PCDHGA7: variants seen among roughly 807,000 people sequenced by gnomAD.
The protein encoded by PCDHGA7 is protocadherin gamma subfamily A, 7.
In PCDHGA7, 44 loss-of-function variants were observed where a neutral mutation model predicts 58.3. The observed-to-expected ratio is 0.75, with a 90% CI of 0.59 to 0.97. The LOEUF (loss-of-function observed/expected upper bound fraction) is 0.97. Ranked by LOEUF, PCDHGA7 falls within the 50% of genes least tolerant of loss-of-function variation. PCDHGA7 has a pLI of 0.00. For missense variants in PCDHGA7, 1,266 were observed against 1,188.7 expected, an observed-to-expected ratio of 1.06 and a Z score of -0.96; for synonymous variants, 516 against 504.2, an observed-to-expected ratio of 1.02 and a Z score of -0.31.
chr5:141,413,042 G>T, intron 1 of PCDHGA7: 1 of 857,566 alleles, frequency 1.2e-6, no homozygotes, highest in Non-Finnish European at 1.7e-6. Context: ...CTGCTGGGCT[G>T]CAGGGAAGCT....
At position 141,399,661 on chromosome 5, in the gene PCDHGA7, G is replaced by T. The variant is rs1021211609; in HGVS notation, c.2424+14338G>T. The T allele has an allele frequency of 6.8e-6, 11 of 1,613,526 alleles. No individual in the cohort carries two copies. Among genetic ancestry groups the T allele is most frequent in the Non-Finnish European group, 9.3e-6 (11 of 1,179,892 alleles). ...GAGCGCGCAAAGTGGGGTGGTGTTC[G>T]CGCAGCGCGCCTTTGACTACGAGCA... On this transcript the variant is annotated intron_variant, in intron 1 of 3. Transcript: ENST00000518325.
chr5:141,416,747 T>A (rs920641906), intron 1 of PCDHGA7: 2 of 152,240 alleles, frequency 1.3e-5, no homozygotes, highest in African/African-American at 4.8e-5. Flanking sequence ...AATAGTGACG[T>A]ATTAGGTAGA....
Position 141,385,070 on chromosome 5 carries a change from T to C in PCDHGA7, c.2171T>C (p.Leu724Pro), listed in dbSNP as rs766950021. 28 of 1,614,094 alleles carry C rather than the reference T, an allele frequency of 1.7e-5. No individual in the cohort carries two copies. In the South Asian group the frequency reaches 3.0e-4, roughly 17 times the overall value. ...LRLRRWHKSR[L>P]LQASEGGLAN... ...CTGCGGCGCTGGCACAAGTCACGCC[T>C]GCTGCAGGCTTCAGAAGGTGGCTTG... The change falls in exon 1 of 4, where the codon CTG becomes CCG. Residue 724 changes from leucine to proline, a missense_variant. Coordinates refer to ENST00000518325, the MANE Select transcript of PCDHGA7 (RefSeq NM_018920.4).
chr5:141,386,359 C>T (rs566341507), intron 1 of PCDHGA7, among the ~76,000 whole-genome samples: 1 of 152,132 alleles, frequency 6.6e-6, no homozygotes, highest in Non-Finnish European at 1.5e-5. Flanking sequence ...AATCTTGATT[C>T]CAGAGACCTT....
At chr5:141,458,403 C>T (rs1057108239) in intron 1 of PCDHGA7, among the ~76,000 whole-genome samples, 6 of 152,136 alleles carry the variant, frequency 3.9e-5, no homozygotes, top group African/African-American at 1.2e-4. Context: ...CTTGCAGAGA[C>T]GGAGCGGGGG....
At position 141,394,369 on chromosome 5, in the gene PCDHGA7, C is replaced by T. The variant is rs183754735; in HGVS notation, c.2424+9046C>T. On this transcript the variant is annotated intron_variant, in intron 1 of 3. Transcript: ENST00000518325. Reference sequence around the variant, plus strand: ...ACCGGTGTCCTGTATGCGCTGCAATCTTTCGACTATGAGCAGATCCGAGAC... The same window carrying T: ...ACCGGTGTCCTGTATGCGCTGCAATTTTTCGACTATGAGCAGATCCGAGAC... 3.7e-5 allele frequency: 59 copies of T among 1,614,206 alleles called. No homozygotes were observed. Among genetic ancestry groups the T allele is most frequent in the Middle Eastern group, 1.6e-4 (1 of 6,062 alleles).
chr5:141,508,409 G>T (rs143032030), intron 3 of PCDHGA7: 4 of 152,276 alleles, frequency 2.6e-5, no homozygotes, highest in South Asian at 2.1e-4. Context: ...CTTGAGCCAC[G>T]CAGAGACTTG....
intron 1 of PCDHGA7, chr5:141,394,850 G>A (rs778925348): frequency 1.1e-5 from 17 of 1,613,702 alleles, no homozygotes; most frequent in Non-Finnish European, 1.4e-5. Context: ...GCAGTCTGAA[G>A]CCTTCGGTCG....
rs780685517 is a variant in PCDHGA7 at position 141,489,548 on chromosome 5, T to C, written c.2425-5259T>C. 6.2e-7 allele frequency: 1 copy of C among 1,614,136 alleles called. No individual in the cohort carries two copies. Among genetic ancestry groups the C allele is most frequent in the South Asian group, 1.1e-5 (1 of 91,086 alleles). On this transcript the variant is annotated intron_variant, in intron 1 of 3. Coordinates refer to ENST00000518325, the MANE Select transcript of PCDHGA7 (RefSeq NM_018920.4). This position sits in a 1 kb window ranked among gnomAD's most constrained non-coding sequence, Gnocchi z 4.5. ...CTATGTGGAGCCAGCACCAGCTGCCTGCTGCCAGTGCAGGTGGTGACTGAA... is the reference window on the plus strand; with the variant it reads ...CTATGTGGAGCCAGCACCAGCTGCCCGCTGCCAGTGCAGGTGGTGACTGAA...
intron 1 of PCDHGA7, chr5:141,398,655 A>G (rs760602313): frequency 3.1e-6 from 5 of 1,614,034 alleles, no homozygotes; most frequent in Non-Finnish European, 4.2e-6. Context: ...CTCTTAACCC[A>G]AGTTTCTCAT....
intron 1 of PCDHGA7, chr5:141,389,112 C>G (rs376966829): frequency 1.2e-6 from 2 of 1,613,966 alleles, no homozygotes; most frequent in Non-Finnish European, 1.7e-6. Context: ...TGTTCTAGAC[C>G]GCGAGCAGAA....
At chr5:141,394,733 G>A (rs1353984219) in intron 1 of PCDHGA7, 1 of 1,613,324 alleles carries the variant, frequency 6.2e-7, no homozygotes, top group South Asian at 1.1e-5. Flanking sequence ...CGCTCAAGCA[G>A]AGCCTCGTGG....
intron 1 of PCDHGA7, among the ~76,000 whole-genome samples, chr5:141,482,723 A>G (rs1441054551): frequency 2.3e-5 from 3 of 128,892 alleles, no homozygotes; most frequent in Non-Finnish European, 4.9e-5. Context: ...GGGAGGGGCC[A>G]TTGCAAGAAA....
At position 141,487,855 on chromosome 5, in the gene PCDHGA7, A is replaced by T; in HGVS notation, c.2425-6952A>T. 1 of 974,210 alleles carries T rather than the reference A, an allele frequency of 1.0e-6. No homozygotes were observed. 60.3% of individuals were successfully genotyped at this position (974,210 alleles called of 1,614,324 possible). A position where few individuals can be genotyped will look rare whatever the true frequency, so the allele number is the denominator to read the frequency against. On this transcript the variant is annotated intron_variant, in intron 1 of 3. Coordinates refer to ENST00000518325, the MANE Select transcript of PCDHGA7 (RefSeq NM_018920.4). This position sits in a 1 kb window ranked among gnomAD's most constrained non-coding sequence, Gnocchi z 5.0. Reference sequence around the variant, plus strand: ...TATATCTGAGTAAGAAATGAAAGTAATTGGTGATCAAGAGCCAGGCTGTTG... The same window carrying T: ...TATATCTGAGTAAGAAATGAAAGTATTTGGTGATCAAGAGCCAGGCTGTTG...
chr5:141,460,834 A>G (rs757757290), intron 1 of PCDHGA7, among the ~76,000 whole-genome samples: 11 of 151,874 alleles, frequency 7.2e-5, no homozygotes, highest in Non-Finnish European at 1.3e-4. Context: ...CACTTAAAGT[A>G]ATGGCCTCCA....
rs761106133 is a variant in PCDHGA7 at position 141,432,117 on chromosome 5, C to A, written c.2424+46794C>A. 1 of 1,614,180 alleles carries A rather than the reference C, an allele frequency of 6.2e-7. No individual in the cohort carries two copies. Among genetic ancestry groups the A allele is most frequent in the Admixed American group, 1.7e-5 (1 of 60,024 alleles). ...ACCAACGACAACCCGCCGGTCTTCC[C>A]TCAGGCCTCCTATTCCGCTTATATC... On this transcript the variant is annotated intron_variant, in intron 1 of 3. Transcript: ENST00000518325. The surrounding 1 kb of genome is among the most constrained non-coding windows in gnomAD (Gnocchi z 6.0).
chr5:141,474,180 A>G (rs763042503), intron 1 of PCDHGA7, among the ~76,000 whole-genome samples: 4 of 152,240 alleles, frequency 2.6e-5, no homozygotes, highest in Non-Finnish European at 4.4e-5. Context: ...TGAGAAAACT[A>G]CTTACATTTT....
rs751153896 is a variant in PCDHGA7, at chr5:141,477,514, T to C, written c.2425-17293T>C. On this transcript the variant is annotated intron_variant, in intron 1 of 3. Transcript: ENST00000518325. The surrounding 1 kb of genome is among the most constrained non-coding windows in gnomAD (Gnocchi z 4.9). ...CTCAATCTTCCTACGACGTTTACAT[T>C]GAAGAAAACAACCTCCCCGGGGCTC... is the stretch of plus-strand genomic sequence containing the variant. 2 of 1,614,114 alleles carry C rather than the reference T, an allele frequency of 1.2e-6. No individual in the cohort carries two copies. The highest frequency in any genetic ancestry group is 2.2e-5 in the East Asian group (1 of 44,878).
intron 1 of PCDHGA7, chr5:141,430,840 A>G: frequency 6.4e-7 from 1 of 1,565,876 alleles, no homozygotes; most frequent in East Asian, 2.2e-5. Flanking sequence ...GGGAGACCGG[A>G]TGCACCCAGA....
Sources: gnomAD v4.1 joint callset for allele counts (sites outside exome capture counted in the v4.1 genomes callset) on GRCh38, gnomAD v4.1.1 for gene constraint, Gnocchi (gnomAD v3.1) non-coding constraint, MANE v1.5 for transcripts, NCBI Gene and HGNC (gene_info 2026-07-23, HGNC 2026-07-21) for gene names.